The following ATP13A3 variants were observed in gnomAD, a reference collection of about 807,000 sequenced individuals.
ATP13A3 encodes the protein ATPase 13A3.
Under a neutral mutation model 158.1 loss-of-function variants are expected in ATP13A3, and 59 were observed. The ratio of observed to expected loss-of-function variants is 0.37; its 90% confidence interval spans 0.30 to 0.46. ATP13A3 has a LOEUF of 0.46. Among genes scored for constraint, ATP13A3 ranks in the 20% least tolerant of loss-of-function variants. The pLI is 1.00. For missense variants in ATP13A3, 1,166 were observed against 1,525.2 expected, an observed-to-expected ratio of 0.76 and a Z score of 3.92; for synonymous variants, 491 against 504.3, an observed-to-expected ratio of 0.97 and a Z score of 0.35.
At position 194,425,326 on chromosome 3, in the gene ATP13A3, T is replaced by C. The variant is rs1022717610; in HGVS notation, c.3313+16A>G. 6 of 1,604,974 alleles carry C rather than the reference T, an allele frequency of 3.7e-6. No homozygotes were observed. The highest frequency in any genetic ancestry group is 5.1e-6 in the Non-Finnish European group (6 of 1,174,002). Reference sequence around the variant, plus strand: ...GGGGCAAGCAGGGTGGAAATCACAATAAATGCCAAACTTACAATTTTTGTA... The same window carrying C: ...GGGGCAAGCAGGGTGGAAATCACAACAAATGCCAAACTTACAATTTTTGTA... On this transcript the variant is annotated intron_variant, in intron 30 of 33. Coordinates refer to ENST00000645319, the MANE Select transcript of ATP13A3 (RefSeq NM_001367549.1).
chr3:194,458,016 C>A (rs1172943310), intron 6 of ATP13A3, among the ~76,000 whole-genome samples: 1 of 152,052 alleles, frequency 6.6e-6, no homozygotes, highest in African/African-American at 2.4e-5. Flanking sequence ...AAGCTCTTGA[C>A]CTCAGGTGAT....
chr3:194,405,879 G>C lies in ATP13A3; in HGVS notation c.*40C>G, dbSNP rs762864781. Reference sequence around the variant, plus strand: ...GAAACTCCTAAAATCACATATTCCTGAATACTGCTATCAGCAATACCACTG... The same window carrying C: ...GAAACTCCTAAAATCACATATTCCTCAATACTGCTATCAGCAATACCACTG... On this transcript the variant is annotated 3_prime_UTR_variant, in exon 34 of 34. Transcript: ENST00000645319. The C allele has an allele frequency of 6.3e-7, 1 of 1,598,646 alleles. No individual in the cohort carries two copies.
chr3:194,464,359 G>A (rs963926401), intron 2 of ATP13A3, among the ~76,000 whole-genome samples: 2 of 152,172 alleles, frequency 1.3e-5, no homozygotes, highest in African/African-American at 2.4e-5. Flanking sequence ...TAAACAAGCC[G>A]TATGACCACA....
chr3:194,490,034 G>A (rs1205210403), upstream of ATP13A3, among the ~76,000 whole-genome samples: 1 of 152,150 alleles, frequency 6.6e-6, no homozygotes. This position sits in a 1 kb window ranked among gnomAD's most constrained non-coding sequence, Gnocchi z 4.4. Flanking sequence ...GCAGCTGCAT[G>A]GAGGTAACAG....
In ATP13A3 at chr3:194,425,352, G is replaced by C. The variant is rs1414346980; in HGVS notation, c.3303C>G (p.Cys1101Trp). Residue 1101 changes from cysteine (C) to tryptophan (W), a missense_variant, in exon 30 of 34, where the codon TGC becomes TGG. Cys to Trp is a radical substitution (Grantham distance 215). Coordinates refer to ENST00000645319, the MANE Select transcript of ATP13A3 (RefSeq NM_001367549.1). ...AAATGCCAAACTTACAATTTTTGTA[G>C]CAAGGTTGCCTGAAGGGTTTTCCTT... ...FSKGKPFRQP[C>W]YKNYFFVFSV... The C allele has an allele frequency of 6.2e-7, 1 of 1,611,436 alleles. No homozygotes were observed. Among genetic ancestry groups the C allele is most frequent in the Non-Finnish European group, 8.5e-7 (1 of 1,179,104 alleles).
intron 2 of ATP13A3, among the ~76,000 whole-genome samples, chr3:194,474,691 T>C (rs1720449531): frequency 6.6e-6 from 1 of 152,204 alleles, no homozygotes; most frequent in Non-Finnish European, 1.5e-5. Flanking sequence ...AATAAAAATC[T>C]CAAATAACTG....
intron 2 of ATP13A3, among the ~76,000 whole-genome samples, chr3:194,471,227 A>G (rs1380067174): frequency 6.6e-6 from 1 of 151,148 alleles, no homozygotes; most frequent in Non-Finnish European, 1.5e-5. Context: ...TTTAACAAGT[A>G]TACTTCTATT....
intron 30 of ATP13A3, 41 bp from the exon 31 acceptor site, chr3:194,420,008 T>G: frequency 2.0e-6 from 3 of 1,472,900 alleles, no homozygotes; most frequent in Non-Finnish European, 2.7e-6. Context: ...AATTAGGAAA[T>G]TCCTTTATAT....
chr3:194,427,057 A>G lies in ATP13A3; in HGVS notation c.3125+18T>C, dbSNP rs1042896256. 6.3e-7 allele frequency: 1 copy of G among 1,599,278 alleles called. No individual in the cohort carries two copies. The highest frequency in any genetic ancestry group is 1.4e-5 in the African/African-American group (1 of 73,754). ...GCACATATTTTATATAGATTTTTAC[A>G]TAGATTGACCAACTTACTCTGATTT... On this transcript the variant is annotated intron_variant, in intron 29 of 33. Coordinates refer to ENST00000645319, the MANE Select transcript of ATP13A3 (RefSeq NM_001367549.1).
At chr3:194,487,552 G>C (rs1005927753), upstream of ATP13A3, 3 of 152,274 alleles carry the variant, frequency 2.0e-5, no homozygotes, top group African/African-American at 7.2e-5. Context: ...ACAGGGAGGA[G>C]CGCACACGAG....
chr3:194,478,774 A>G (rs1323806071), intron 2 of ATP13A3, among the ~76,000 whole-genome samples: 2 of 152,212 alleles, frequency 1.3e-5, no homozygotes, highest in Non-Finnish European at 2.9e-5. Flanking sequence ...CGTGAATGGT[A>G]TCCTCTGGAC....
rs80136368 is a variant in ATP13A3, at chr3:194,403,109, C to T, written c.*2810G>A. 3.2e-4 allele frequency: 49 copies of T among 152,294 alleles called. 1 individual carries two copies. The East Asian group carries it at 9.4e-3, about 29-fold the overall frequency. The allele number at this position is 152,294 out of a possible 1,614,324, so 9.4% of individuals were successfully genotyped here. On this transcript the variant is annotated 3_prime_UTR_variant, in exon 34 of 34. Coordinates refer to ENST00000645319, the MANE Select transcript of ATP13A3 (RefSeq NM_001367549.1). ...TCTAAAGCTTGAATTTTGCTCTTCA[C>T]TGGATAATGTTATCTATAGCTGTTT...
chr3:194,435,143 CA>C (rs1393825978), intron 20 of ATP13A3, among the ~76,000 whole-genome samples: 1 of 152,082 alleles, frequency 6.6e-6, no homozygotes, highest in African/African-American at 2.4e-5. Context: ...TAATTTCTAA[CA>C]ATGGGTGGTA....
intron 20 of ATP13A3, among the ~76,000 whole-genome samples, chr3:194,434,107 T>C (rs1470572807): frequency 6.6e-6 from 1 of 152,246 alleles, no homozygotes; most frequent in Non-Finnish European, 1.5e-5. Flanking sequence ...TGGAAATGTA[T>C]GTCACTGTAC....
chr3:194,449,507 G>A (rs34553881), intron 11 of ATP13A3, among the ~76,000 whole-genome samples: 30,132 of 151,886 alleles, frequency 0.2, 3,415 homozygotes, highest in African/African-American at 0.31. Flanking sequence ...TGGTGAAGCC[G>A]TCTCTACTAA....
In ATP13A3 at chr3:194,405,168, A is replaced by G. The variant is rs943168922; in HGVS notation, c.*751T>C. 5 of 152,270 alleles carry G rather than the reference A, an allele frequency of 3.3e-5. No homozygotes were observed. Among genetic ancestry groups the G allele is most frequent in the African/African-American group, 1.2e-4 (5 of 41,474 alleles). 9.4% of individuals were successfully genotyped at this position (152,270 alleles called of 1,614,324 possible). On this transcript the variant is annotated 3_prime_UTR_variant, in exon 34 of 34. Coordinates refer to ENST00000645319, the MANE Select transcript of ATP13A3 (RefSeq NM_001367549.1). ...TGAAAAAGGTTCTACAACATTTAAC[A>G]GAAGCAAATTAGACTGCCAACACCA...
intron 2 of ATP13A3, among the ~76,000 whole-genome samples, chr3:194,478,839 G>A (rs1279061004): frequency 1.3e-5 from 2 of 152,184 alleles, no homozygotes; most frequent in Admixed American, 6.5e-5. Flanking sequence ...GTGTAAGAGA[G>A]AAGAACTCAT....
chr3:194,418,808 G>A (rs1011411085), intron 31 of ATP13A3, among the ~76,000 whole-genome samples: 2 of 152,188 alleles, frequency 1.3e-5, no homozygotes, highest in Non-Finnish European at 2.9e-5. Flanking sequence ...GTTTGCCAAG[G>A]GTAGTAGTGG....
intron 31 of ATP13A3, among the ~76,000 whole-genome samples, chr3:194,418,020 G>A (rs1319570575): frequency 3.4e-5 from 5 of 148,436 alleles, no homozygotes; most frequent in South Asian, 4.3e-4. Context: ...GAGGGGAGGC[G>A]GGGGAGGAAG....
Sources: allele counts gnomAD v4.1 joint callset (sites outside exome capture counted in the v4.1 genomes callset), GRCh38; gene constraint gnomAD v4.1.1; non-coding constraint Gnocchi (gnomAD v3.1); transcripts MANE v1.5; gene names NCBI Gene and HGNC (gene_info 2026-07-23, HGNC 2026-07-21).